CSMD1: variants seen among roughly 807,000 people sequenced by gnomAD.
The protein encoded by CSMD1 is CUB and sushi domain-containing protein 1.
In CSMD1, 213 loss-of-function variants were observed where a neutral mutation model predicts 417.5. The ratio of observed to expected loss-of-function variants is 0.51; its 90% confidence interval spans 0.46 to 0.57. The LOEUF (loss-of-function observed/expected upper bound fraction) is 0.57. CSMD1 is among the 20% of genes least tolerant of loss of function. The pLI, the probability that CSMD1 is intolerant of heterozygous loss-of-function variation, is 0.00. For synonymous variants in CSMD1, 2,862 were observed against 1,736.8 expected, an observed-to-expected ratio of 1.65 and a Z score of -16.11; for missense variants, 6,923 against 4,529.7, an observed-to-expected ratio of 1.53 and a Z score of -15.17.
chr8:3,412,657 C>G (rs146389960), intron 12 of CSMD1, among the ~76,000 whole-genome samples: 1 of 152,144 alleles, frequency 6.6e-6, no homozygotes, highest in Non-Finnish European at 1.5e-5. Context: ...CCTCAGGCTA[C>G]CAAACAAAGA....
At chr8:4,337,361 C>G (rs6558863) in intron 3 of CSMD1, among the ~76,000 whole-genome samples, 131,495 of 152,088 alleles carry the variant, frequency 0.86, 57,072 homozygotes, top group African/African-American at 0.93. Context: ...CAAACTTCCA[C>G]CTAAGTCATT....
intron 11 of CSMD1, among the ~76,000 whole-genome samples, chr8:3,492,084 G>A (rs745943409): frequency 4.6e-5 from 7 of 152,220 alleles, no homozygotes; most frequent in Non-Finnish European, 8.8e-5. Context: ...TCAACAAGGT[G>A]TATGTGAATT....
At chr8:3,346,245 G>C (rs1389308327) in intron 22 of CSMD1, among the ~76,000 whole-genome samples, 1 of 152,138 alleles carries the variant, frequency 6.6e-6, no homozygotes, top group Non-Finnish European at 1.5e-5. Flanking sequence ...ACTTTAAACA[G>C]CATGCAATCA....
chr8:3,803,509 C>G (rs1369420436), intron 5 of CSMD1, among the ~76,000 whole-genome samples: 1 of 152,152 alleles, frequency 6.6e-6, no homozygotes, highest in Non-Finnish European at 1.5e-5. Context: ...AGCCCATGCA[C>G]AGAAAACCCA....
rs554129016 is a variant in CSMD1 at position 4,726,442 on chromosome 8, C to A, written c.86-88884G>T. Among the ~76,000 whole-genome samples, 341 of 152,196 alleles carry A rather than the reference C, an allele frequency of 2.2e-3. 3 individuals are homozygous for A. The highest frequency in any genetic ancestry group is 3.9e-3 in the South Asian group (19 of 4,824). On this transcript the variant is annotated intron_variant, in intron 1 of 69. Coordinates refer to ENST00000635120, the MANE Select transcript of CSMD1 (RefSeq NM_033225.6). ...TTCACAGAATTTGTTTTTAATACTC[C>A]AGCTCTTTGTGCTCCTTAAGTCTGC...
At chr8:4,236,069 T>G (rs1275482035) in intron 3 of CSMD1, among the ~76,000 whole-genome samples, 3 of 131,700 alleles carry the variant, frequency 2.3e-5, no homozygotes, top group Admixed American at 7.9e-5. Context: ...TTTTTTTTTT[T>G]GTAATTTCAT....
At chr8:3,246,441 G>A (rs1052094246) in intron 26 of CSMD1, among the ~76,000 whole-genome samples, 2 of 151,914 alleles carry the variant, frequency 1.3e-5, no homozygotes, top group African/African-American at 4.8e-5. Flanking sequence ...TCTATTCTCT[G>A]TTCACCCCCA....
Position 4,388,900 on chromosome 8 carries a change from T to C in CSMD1, c.415+31053A>G, listed in dbSNP as rs78098307. Among the ~76,000 whole-genome samples the C allele has an allele frequency of 3.7e-3, 561 of 152,312 alleles. 21 individuals carry two copies. In the East Asian group the frequency reaches 0.094, roughly 26 times the overall value. On this transcript the variant is annotated intron_variant, in intron 3 of 69. Coordinates refer to ENST00000635120, the MANE Select transcript of CSMD1 (RefSeq NM_033225.6). ...AACGTCTCCTCTTCATCTTCTCTCA[T>C]CCAGCTATTTGTTCAAAGTTACTAA...
At chr8:3,356,238 C>G (rs555576641) in intron 21 of CSMD1, among the ~76,000 whole-genome samples, 2 of 152,322 alleles carry the variant, frequency 1.3e-5, no homozygotes, top group South Asian at 4.1e-4. Flanking sequence ...GAGAAAGGAA[C>G]ATGAAGCATG....
In CSMD1 at chr8:4,972,797, G is replaced by C. The variant is rs116887265; in HGVS notation, c.85+21535C>G. On this transcript the variant is annotated intron_variant, in intron 1 of 69. Coordinates refer to ENST00000635120, the MANE Select transcript of CSMD1 (RefSeq NM_033225.6). ...ACAGGCATCATGAAGTTAGGAGCTA[G>C]GTGTTGTCTTGTTAATTGCTCTATT... Among the ~76,000 whole-genome samples, 19 of 151,794 alleles carry C rather than the reference G, an allele frequency of 1.3e-4. No individual in the cohort carries two copies. The East Asian group carries it at 2.9e-3, about 23-fold the overall frequency.
chr8:4,412,182 A>G (rs1796686712), intron 3 of CSMD1, among the ~76,000 whole-genome samples: 1 of 152,182 alleles, frequency 6.6e-6, no homozygotes, highest in East Asian at 1.9e-4. Context: ...ATATCTGTCA[A>G]CGTGCAAACC....
intron 2 of CSMD1, among the ~76,000 whole-genome samples, chr8:4,553,490 TAAAGG>T (rs1797958391): frequency 6.7e-6 from 1 of 149,596 alleles, no homozygotes; most frequent in African/African-American, 2.5e-5. Flanking sequence ...TATTCAAAAA[TAAAGG>T]AGGGAGAGAC....
intron 3 of CSMD1, among the ~76,000 whole-genome samples, chr8:4,038,654 CTTTA>C (rs1174398003): frequency 6.6e-6 from 1 of 152,116 alleles, no homozygotes; most frequent in Non-Finnish European, 1.5e-5. Flanking sequence ...TTTTAATTCT[CTTTA>C]TTTATTTCCT....
At chr8:4,533,195 C>T (rs771392050) in intron 2 of CSMD1, among the ~76,000 whole-genome samples, 6 of 152,162 alleles carry the variant, frequency 3.9e-5, no homozygotes, top group East Asian at 3.9e-4. Context: ...CATTTGTCAT[C>T]GTAGTACTAC....
intron 26 of CSMD1, among the ~76,000 whole-genome samples, chr8:3,252,436 T>A (rs984608940): frequency 6.6e-6 from 1 of 152,118 alleles, no homozygotes; most frequent in South Asian, 2.1e-4. Context: ...TGGATAAGCT[T>A]TTTGATATAT....
chr8:3,565,183 A>T (rs62475832), intron 10 of CSMD1, among the ~76,000 whole-genome samples: 21 of 45,658 alleles, frequency 4.6e-4, no homozygotes, highest in Non-Finnish European at 5.6e-4. Flanking sequence ...GAAAGAAAGA[A>T]AGATACATAG....
chr8:3,339,617 G>A (rs1255112170), intron 23 of CSMD1, among the ~76,000 whole-genome samples: 1 of 152,208 alleles, frequency 6.6e-6, no homozygotes, highest in Non-Finnish European at 1.5e-5. Flanking sequence ...ATTACTCTCA[G>A]AGGGCTACTC....
intron 2 of CSMD1, among the ~76,000 whole-genome samples, chr8:4,431,664 A>C (rs185456482): frequency 3.9e-5 from 6 of 152,330 alleles, no homozygotes; most frequent in Admixed American, 2.6e-4. Context: ...GAAAGGAAGA[A>C]AAGATAGAGG....
intron 3 of CSMD1, among the ~76,000 whole-genome samples, chr8:4,181,204 A>G (rs1798352131): frequency 6.6e-6 from 1 of 152,298 alleles, no homozygotes; most frequent in East Asian, 1.9e-4. Flanking sequence ...CATCCCATAT[A>G]GCACCGATGA....
Sources: allele counts gnomAD v4.1 joint callset (sites outside exome capture counted in the v4.1 genomes callset), GRCh38; gene constraint gnomAD v4.1.1; transcripts MANE v1.5; gene names NCBI Gene and HGNC (gene_info 2026-07-23, HGNC 2026-07-21).